The following CNGA3 variants were observed in gnomAD, a reference collection of about 807,000 sequenced individuals.
CNGA3 encodes cyclic nucleotide-gated channel alpha-3.
In CNGA3, 42 loss-of-function variants were observed where a neutral mutation model predicts 46.6. The ratio of observed to expected loss-of-function variants is 0.90; its 90% CI spans 0.70 to 1.17. The LOEUF (loss-of-function observed/expected upper bound fraction) is 1.17. Ranked by LOEUF, CNGA3 falls within the 50% of genes most tolerant of loss-of-function variation. The pLI is 0.00. For synonymous variants in CNGA3, 394 were observed against 369.4 expected, an observed-to-expected ratio of 1.07 and a Z score of -0.76; for missense variants, 893 against 890.7, an observed-to-expected ratio of 1.00 and a Z score of -0.03.
intron 1 of CNGA3, among the ~76,000 whole-genome samples, chr2:98,355,600 G>A (rs199897655): frequency 7.9e-5 from 12 of 152,112 alleles, no homozygotes; most frequent in Non-Finnish European, 1.5e-4. Flanking sequence ...TATAAAGATA[G>A]CACTGACATG....
At chr2:98,382,943 CAGGCTGCGTCCATCCTGGGGCAGA>C (rs1256794435) in intron 4 of CNGA3, among the ~76,000 whole-genome samples, 1 of 152,210 alleles carries the variant, frequency 6.6e-6, no homozygotes, top group Admixed American at 6.5e-5. Context: ...GTTGCTGCTG[CAGGCTGCGTCCATCCTGGGGCAGA>C]AGGTGCAAGA....
intron 1 of CNGA3, among the ~76,000 whole-genome samples, chr2:98,358,436 T>C (rs193052828): frequency 6.6e-6 from 1 of 152,310 alleles, no homozygotes; most frequent in African/African-American, 2.4e-5. Context: ...TAAGATCTTA[T>C]GTACCTTCTG....
intron 1 of CNGA3, among the ~76,000 whole-genome samples, chr2:98,360,447 T>G (rs1317673814): frequency 6.6e-6 from 1 of 152,002 alleles, no homozygotes; most frequent in Admixed American, 6.5e-5. Context: ...CAAAGAAGAG[T>G]AATTCGATAG....
chr2:98,389,581 GC>G, intron 5 of CNGA3, 76 bp from the exon 6 acceptor site: 4 of 1,284,448 alleles, frequency 3.1e-6, no homozygotes, highest in Non-Finnish European at 4.5e-6. Context: ...GCCTGAAATT[GC>G]CCTAGGCTCT....
chr2:98,355,534 T>C (rs1284987720), intron 1 of CNGA3, among the ~76,000 whole-genome samples: 1 of 152,148 alleles, frequency 6.6e-6, no homozygotes, highest in Admixed American at 6.5e-5. Flanking sequence ...CTTAAGATGT[T>C]CTGCACATAT....
intron 1 of CNGA3, among the ~76,000 whole-genome samples, chr2:98,347,602 C>T (rs374987728): frequency 1.3e-5 from 2 of 152,312 alleles, no homozygotes; most frequent in East Asian, 3.9e-4. Flanking sequence ...GACCTGGAGC[C>T]GGCGCCCCGG....
chr2:98,364,722 T>C (rs1170154126), intron 1 of CNGA3, among the ~76,000 whole-genome samples: 1 of 152,214 alleles, frequency 6.6e-6, no homozygotes, highest in Non-Finnish European at 1.5e-5. Flanking sequence ...TTGGTCTTTG[T>C]ATTTCAGTCT....
intron 1 of CNGA3, chr2:98,347,270 C>T (rs1691654906): frequency 6.6e-6 from 1 of 152,192 alleles, no homozygotes; most frequent in Admixed American, 6.5e-5. Flanking sequence ...TCTCGGACGC[C>T]CGGGGCTTAG....
chr2:98,371,349 T>C (rs1350702388), intron 2 of CNGA3, among the ~76,000 whole-genome samples: 5 of 152,182 alleles, frequency 3.3e-5, no homozygotes, highest in African/African-American at 1.2e-4. Flanking sequence ...TTTGTGTTCA[T>C]CACTTCCTCT....
chr2:98,383,341 A>T, intron 4 of CNGA3, 47 bp from the exon 5 acceptor site: 1 of 1,588,514 alleles, frequency 6.3e-7, no homozygotes, highest in Non-Finnish European at 8.6e-7. Context: ...GCCCCAAGGA[A>T]TGGAAACAGA....
intron 1 of CNGA3, among the ~76,000 whole-genome samples, chr2:98,369,068 T>C (rs1382383362): frequency 6.6e-6 from 1 of 152,254 alleles, no homozygotes; most frequent in East Asian, 1.9e-4. Flanking sequence ...TCATTCTAAC[T>C]TGGTGGCTGT....
intron 1 of CNGA3, among the ~76,000 whole-genome samples, chr2:98,349,197 G>C (rs1691717340): frequency 6.6e-6 from 1 of 152,104 alleles, no homozygotes; most frequent in African/African-American, 2.4e-5. Flanking sequence ...TGGCCTGAAA[G>C]GGAGGCTGGA....
intron 7 of CNGA3, 45 bp from the exon 8 acceptor site, chr2:98,395,799 A>C (rs773632105): frequency 4.7e-5 from 73 of 1,563,734 alleles, no homozygotes; most frequent in Non-Finnish European, 6.1e-5. Flanking sequence ...TGGTCAAAAA[A>C]AGTCAGCCTC....
chr2:98,367,167 G>GTTTATTTTCCTTTTTTTTTTTTT (rs751611132), intron 1 of CNGA3, among the ~76,000 whole-genome samples: 2 of 101,588 alleles, frequency 2.0e-5, no homozygotes, highest in Non-Finnish European at 2.2e-5. Context: ...GACATCAGCT[G>GTTTATTTTCCTTTTTTTTTTTTT]TTTTTTTTCT....
chr2:98,366,979 T>C (rs918570089), intron 1 of CNGA3, among the ~76,000 whole-genome samples: 8 of 151,958 alleles, frequency 5.3e-5, no homozygotes, highest in African/African-American at 1.9e-4. Context: ...ACCGCCTCTT[T>C]TGGCTGAGAA....
intron 2 of CNGA3, 90 bp downstream of exon 2, chr2:98,370,166 C>T (rs767656383): frequency 6.5e-6 from 7 of 1,074,956 alleles, no homozygotes; most frequent in South Asian, 4.0e-5. Flanking sequence ...AATGCCTTCA[C>T]GTTGGCCAGC....
chr2:98,360,613 A>G (rs1160661405), intron 1 of CNGA3, among the ~76,000 whole-genome samples: 1 of 152,224 alleles, frequency 6.6e-6, no homozygotes, highest in Non-Finnish European at 1.5e-5. Flanking sequence ...AAAGTGTTGA[A>G]TGGACAATTT....
Position 98,396,575 on chromosome 2 carries a change from G to A in CNGA3, c.1405G>A (p.Ala469Thr), listed in dbSNP as rs117522010. The A allele has an allele frequency of 1.2e-5, 19 of 1,613,846 alleles. No individual in the cohort carries two copies. The highest frequency in any genetic ancestry group is 2.2e-5 in the East Asian group (1 of 44,860). Residue 469 changes from alanine to threonine, a missense_variant, in exon 8 of 8, where the codon GCC becomes ACC. By Grantham distance (58) the Ala-to-Thr change is moderately conservative (BLOSUM62 0). Around this residue, in one of 3 missense-constraint regions of CNGA3, gnomAD observed 548 missense variants for 570.8 expected, o/e 0.96. Coordinates refer to ENST00000272602, the MANE Select transcript of CNGA3 (RefSeq NM_001298.3). ...SLPDKLKAEI[A>T]INVHLDTLKK... ...CCCAGACAAGCTGAAGGCTGAGATC[G>A]CCATCAACGTGCACCTGGACACGCT...
At chr2:98,374,921 A>G (rs1376202198) in intron 2 of CNGA3, among the ~76,000 whole-genome samples, 1 of 152,228 alleles carries the variant, frequency 6.6e-6, no homozygotes, top group Admixed American at 6.5e-5. Context: ...TGAAATCCAC[A>G]TGAAATTGCC....
Sources: gnomAD v4.1 joint callset for allele counts (sites outside exome capture counted in the v4.1 genomes callset) on GRCh38, gnomAD v4.1.1 for gene constraint, gnomAD v4.1.1 regional missense constraint, MANE v1.5 for transcripts, NCBI Gene and HGNC (gene_info 2026-07-23, HGNC 2026-07-21) for gene names.